Variants in UGT2B7 observed in about 807,000 individuals in gnomAD.
The protein encoded by UGT2B7 is UDP-glucuronosyltransferase 2B7.
UGT2B7 carries 51 observed loss-of-function variants against 51.9 expected under a neutral mutation model. That is an observed-to-expected ratio of 0.98 (90% CI 0.78 to 1.24). The LOEUF is 1.24. Ranked by LOEUF, UGT2B7 falls within the 50% of genes most tolerant of loss-of-function variation. The probability of loss-of-function intolerance (pLI) is 0.00; values close to 1 mark genes in which losing one functional copy is unlikely to be tolerated. For synonymous variants in UGT2B7, 225 were observed against 211.6 expected (o/e 1.06, Z -0.55); for missense variants, 727 against 628.4 (o/e 1.16, Z -1.68).
At chr4:69,077,019 A>G (rs952024797) in intron 1 of UGT2B7, among the ~76,000 whole-genome samples, 1 of 152,116 alleles carries the variant, frequency 6.6e-6, no homozygotes, top group Non-Finnish European at 1.5e-5. Flanking sequence ...TTTTCCCAGC[A>G]CCATTTATTA....
intron 1 of UGT2B7, among the ~76,000 whole-genome samples, chr4:69,063,131 A>T (rs1400325695): frequency 6.6e-6 from 1 of 151,584 alleles, no homozygotes; most frequent in African/African-American, 2.4e-5. Flanking sequence ...CATCCCGGCT[A>T]AAACGGTGAA....
chr4:69,097,409 A>G (rs1719277478), intron 1 of UGT2B7, among the ~76,000 whole-genome samples, 168 bp downstream of exon 1: 1 of 152,096 alleles, frequency 6.6e-6, no homozygotes, highest in Non-Finnish European at 1.5e-5. Context: ...GAAAAGCTTA[A>G]ATTACAGGGT....
rs781494321 is a variant in UGT2B7 at position 69,096,790 on chromosome 4, C to A, written c.270C>A (p.Ile90=). The A allele has an allele frequency of 1.2e-6, 2 of 1,613,960 alleles. No individual in the cohort carries two copies. The highest frequency in any genetic ancestry group is 3.3e-5 in the Admixed American group (2 of 59,966). ...SLTKTELENF[I]MQQIKRWSDL... is the part of the protein sequence containing the mutation. ...CTAAAACTGAGTTGGAGAATTTCAT[C>A]ATGCAACAGATTAAGAGATGGTCAG... Residue 90 remains isoleucine (I), a synonymous_variant, in exon 1 of 6, where the codon ATC becomes ATA. Coordinates refer to ENST00000305231, the MANE Select transcript of UGT2B7 (RefSeq NM_001074.4).
At chr4:69,070,327 T>C (rs1718573558) in intron 1 of UGT2B7, among the ~76,000 whole-genome samples, 1 of 148,438 alleles carries the variant, frequency 6.7e-6, no homozygotes, top group Non-Finnish European at 1.5e-5. Flanking sequence ...TTTCAACTTT[T>C]ATTTCAAGTT....
At position 69,108,117 on chromosome 4, in the gene UGT2B7, A is replaced by G; in HGVS notation, c.1105A>G (p.Arg369Gly). The G allele has an allele frequency of 6.2e-7, 1 of 1,613,584 alleles. No homozygotes were observed. Among genetic ancestry groups the G allele is most frequent in the Non-Finnish European group, 8.5e-7 (1 of 1,179,594 alleles). Reference protein sequence around the residue: ...QNDLLGHPKTRAFITHGGANG... With the variant: ...QNDLLGHPKTGAFITHGGANG... The stretch of plus-strand genomic sequence containing the variant: ...TCCAATCCTAGGTCATCCAAAGACC[A>G]GAGCTTTTATAACTCATGGTGGAGC... Residue 369 changes from arginine (R) to glycine (G), a missense_variant, in exon 5 of 6, where the codon AGA becomes GGA. Coordinates refer to ENST00000305231, the MANE Select transcript of UGT2B7 (RefSeq NM_001074.4).
At chr4:69,067,809 T>A (rs1718514215) in intron 1 of UGT2B7, among the ~76,000 whole-genome samples, 3 of 152,102 alleles carry the variant, frequency 2.0e-5, no homozygotes, top group Non-Finnish European at 4.4e-5. Flanking sequence ...TGGAAACATT[T>A]GTCAGAGGTT....
At chr4:69,087,521 T>C (rs929221655) in intron 1 of UGT2B7, among the ~76,000 whole-genome samples, 1 of 152,044 alleles carries the variant, frequency 6.6e-6, no homozygotes, top group Admixed American at 6.6e-5. Context: ...TAATTGGTTT[T>C]ACTACTGCTT....
intron 1 of UGT2B7, among the ~76,000 whole-genome samples, chr4:69,083,315 A>G (rs184357009): frequency 6.6e-6 from 1 of 152,244 alleles, no homozygotes; most frequent in Admixed American, 6.5e-5. Flanking sequence ...TAAGAAATAC[A>G]TTTTATAATG....
At chr4:69,100,866 TATAAG>T (rs1335415554) in intron 2 of UGT2B7, among the ~76,000 whole-genome samples, 2 of 152,114 alleles carry the variant, frequency 1.3e-5, no homozygotes, top group African/African-American at 4.8e-5. Context: ...GATAATTTCT[TATAAG>T]AGAAAAAGAC....
intron 2 of UGT2B7, among the ~76,000 whole-genome samples, chr4:69,100,381 C>T (rs183511038): frequency 6.6e-6 from 1 of 152,142 alleles, no homozygotes; most frequent in Admixed American, 6.6e-5. Flanking sequence ...ATTAATATCA[C>T]ACTTTTAAGA....
At chr4:69,101,374 C>A (rs1356919072) in intron 2 of UGT2B7, among the ~76,000 whole-genome samples, 1 of 151,676 alleles carries the variant, frequency 6.6e-6, no homozygotes, top group East Asian at 1.9e-4. Flanking sequence ...TATAAAATTT[C>A]TTACATTAAT....
At chr4:69,070,841 C>T (rs545347294) in intron 1 of UGT2B7, among the ~76,000 whole-genome samples, 1 of 152,002 alleles carries the variant, frequency 6.6e-6, no homozygotes, top group African/African-American at 2.4e-5. Context: ...TAAACTTGGC[C>T]AACTCTCTTA....
chr4:69,069,319 T>C (rs1056106702), intron 1 of UGT2B7, among the ~76,000 whole-genome samples: 2 of 152,006 alleles, frequency 1.3e-5, no homozygotes, highest in Non-Finnish European at 2.9e-5. Context: ...GTATGCCAGG[T>C]CCATTAAATT....
chr4:69,111,976 G>C (rs1719786003), intron 5 of UGT2B7, among the ~76,000 whole-genome samples: 1 of 152,054 alleles, frequency 6.6e-6, no homozygotes, highest in South Asian at 2.1e-4. Context: ...TCAGTATTAG[G>C]GAGGAGACCA....
intron 1 of UGT2B7, among the ~76,000 whole-genome samples, chr4:69,065,576 A>G (rs931989338): frequency 2.0e-5 from 3 of 152,240 alleles, no homozygotes; most frequent in African/African-American, 7.2e-5. Flanking sequence ...AATATCACTT[A>G]AAATTTTTTC....
At chr4:69,076,572 AC>A (rs1479680122) in intron 1 of UGT2B7, among the ~76,000 whole-genome samples, 1 of 152,146 alleles carries the variant, frequency 6.6e-6, no homozygotes, top group East Asian at 1.9e-4. Flanking sequence ...TTGGCTATGT[AC>A]ATGTCTTCTT....
intron 1 of UGT2B7, among the ~76,000 whole-genome samples, chr4:69,076,223 A>G (rs904951435): frequency 6.6e-6 from 1 of 152,224 alleles, no homozygotes; most frequent in East Asian, 1.9e-4. Context: ...TATTGTGAAC[A>G]GTGCCACAAT....
rs373723580 is a variant in UGT2B7 at position 69,062,597 on chromosome 4, C to T, written c.-159+10995C>T. ...CCACAGTCAGCTGAAATTATCAGCC[C>T]AGGACCAGTGGACCAACCAGCAGGA... is the stretch of plus-strand genomic sequence containing the variant. On this transcript the variant is annotated intron_variant, in intron 1 of 5. Coordinates refer to the UGT2B7 transcript ENST00000502942. Among the ~76,000 whole-genome samples the T allele has an allele frequency of 6.5e-4, 99 of 152,232 alleles. 2 individuals carry two copies. The South Asian group carries it at 0.02, about 31-fold the overall frequency.
chr4:69,054,217 A>C (rs1718122065), intron 1 of UGT2B7, among the ~76,000 whole-genome samples: 1 of 151,926 alleles, frequency 6.6e-6, no homozygotes, highest in South Asian at 2.1e-4. Flanking sequence ...TCTGTGTGTC[A>C]GAAAAGAAAA....
Sources: gnomAD v4.1 joint callset for allele counts (sites outside exome capture counted in the v4.1 genomes callset) on GRCh38, gnomAD v4.1.1 for gene constraint, MANE v1.5 for transcripts, NCBI Gene and HGNC (gene_info 2026-07-23, HGNC 2026-07-21) for gene names.